The following AP3B1 variants were observed in gnomAD, a reference collection of about 807,000 sequenced individuals.
The protein encoded by AP3B1 is AP-3 complex subunit beta-1.
AP3B1 carries 61 observed loss-of-function variants against 132.5 expected under a neutral mutation model. That is an observed-to-expected ratio of 0.46 (90% CI 0.37 to 0.57). The LOEUF (loss-of-function observed/expected upper bound fraction) is 0.57, where lower values mean the gene tolerates loss of function less well. AP3B1 is among the 20% of genes least tolerant of loss of function. The pLI is 0.00. For synonymous variants in AP3B1, 388 were observed against 438.3 expected (o/e 0.89, Z 1.43); for missense variants, 1,120 against 1,289.4 (o/e 0.87, Z 2.01).
At chr5:78,252,502 T>C (rs1241430425) in intron 2 of AP3B1, among the ~76,000 whole-genome samples, 1 of 151,636 alleles carries the variant, frequency 6.6e-6, no homozygotes, top group Non-Finnish European at 1.5e-5. Flanking sequence ...TGAAAAGTAC[T>C]GCCAGAGTTC....
intron 6 of AP3B1, among the ~76,000 whole-genome samples, chr5:78,224,792 T>TA (rs1262329359): frequency 1.3e-5 from 2 of 151,876 alleles, no homozygotes; most frequent in Non-Finnish European, 2.9e-5. Flanking sequence ...AAAGGAAGAT[T>TA]AAAAAAATTA....
chr5:78,198,279 C>T (rs994713872), intron 7 of AP3B1, among the ~76,000 whole-genome samples: 4 of 152,192 alleles, frequency 2.6e-5, no homozygotes, highest in Non-Finnish European at 4.4e-5. Context: ...GACTTTAACA[C>T]ATCATGACAT....
intron 15 of AP3B1, among the ~76,000 whole-genome samples, chr5:78,138,980 A>C (rs1753028129): frequency 6.6e-6 from 1 of 150,674 alleles, no homozygotes; most frequent in Non-Finnish European, 1.5e-5. Flanking sequence ...AAAAAAAAAA[A>C]AAAAAAAAAA....
chr5:78,024,925 CT>C (rs1747277076), intron 24 of AP3B1, among the ~76,000 whole-genome samples: 1 of 150,226 alleles, frequency 6.7e-6, no homozygotes, highest in Non-Finnish European at 1.5e-5. Context: ...TCTTGAACTC[CT>C]GGCCTCAAGT....
chr5:78,226,006 A>G (rs1397719121), intron 5 of AP3B1, among the ~76,000 whole-genome samples: 1 of 152,126 alleles, frequency 6.6e-6, no homozygotes, highest in East Asian at 1.9e-4. Flanking sequence ...AAATATGGAG[A>G]ATTTCCAAAT....
At chr5:78,261,521 A>C (rs1748090986) in intron 2 of AP3B1, among the ~76,000 whole-genome samples, 1 of 152,220 alleles carries the variant, frequency 6.6e-6, no homozygotes, top group African/African-American at 2.4e-5. Flanking sequence ...GCTGCAGTGC[A>C]ATGGCACGAC....
At chr5:78,120,950 A>T (rs1479434018) in intron 17 of AP3B1, among the ~76,000 whole-genome samples, 7 of 152,226 alleles carry the variant, frequency 4.6e-5, no homozygotes, top group African/African-American at 4.8e-5. Flanking sequence ...GAAGTAAAGC[A>T]CTCCTCAGCA....
intron 2 of AP3B1, among the ~76,000 whole-genome samples, chr5:78,259,463 T>G (rs2112549777): frequency 6.6e-6 from 1 of 152,054 alleles, no homozygotes; most frequent in African/African-American, 2.4e-5. Flanking sequence ...GACAGGAAAA[T>G]AGGGTGACCA....
At chr5:78,090,339 C>T (rs1490257001) in intron 21 of AP3B1, among the ~76,000 whole-genome samples, 8 of 152,126 alleles carry the variant, frequency 5.3e-5, no homozygotes, top group Admixed American at 5.2e-4. Context: ...GGCTTGTGGC[C>T]GCCATACTGG....
chr5:78,052,119 T>G (rs1431113390), intron 22 of AP3B1, among the ~76,000 whole-genome samples: 1 of 152,124 alleles, frequency 6.6e-6, no homozygotes, highest in Admixed American at 6.5e-5. Context: ...AAATAAATGG[T>G]TTTTAATACT....
At chr5:78,114,819 G>A (rs774250999) in intron 18 of AP3B1, among the ~76,000 whole-genome samples, 12 of 152,102 alleles carry the variant, frequency 7.9e-5, no homozygotes, top group Admixed American at 2.6e-4. Context: ...GTTTTAAGAC[G>A]GCTTACAAGG....
chr5:78,061,453 G>A (rs994041684), intron 22 of AP3B1, among the ~76,000 whole-genome samples: 15 of 152,090 alleles, frequency 9.9e-5, no homozygotes, highest in African/African-American at 3.4e-4. Context: ...TCTGACACAC[G>A]ACACACATTA....
At chr5:78,097,635 G>A (rs1204233277) in intron 21 of AP3B1, among the ~76,000 whole-genome samples, 7 of 133,580 alleles carry the variant, frequency 5.2e-5, no homozygotes, top group East Asian at 2.2e-4. Flanking sequence ...CCGGCCAGCC[G>A]CCCCGTCCGG....
intron 22 of AP3B1, among the ~76,000 whole-genome samples, chr5:78,069,848 C>T (rs1749459663): frequency 6.6e-6 from 1 of 152,156 alleles, no homozygotes; most frequent in African/African-American, 2.4e-5. Context: ...TGACTTCAAA[C>T]TATACTACAA....
chr5:78,275,889 A>T (rs1748753863), intron 1 of AP3B1, among the ~76,000 whole-genome samples: 1 of 152,226 alleles, frequency 6.6e-6, no homozygotes, highest in Non-Finnish European at 1.5e-5. Context: ...ACAAGCATAG[A>T]ACAATATATC....
chr5:78,101,103 A>G lies in AP3B1; in HGVS notation c.2398-78T>C, dbSNP rs1403295504. ...GGAGTAGTCCTTAATATTCCAAAAC[A>G]AACTTTTTTTTCCTCTGCTTAGTGG... is the stretch of plus-strand genomic sequence containing the variant. On this transcript the variant is annotated intron_variant, in intron 20 of 26. Coordinates refer to ENST00000255194, the MANE Select transcript of AP3B1 (RefSeq NM_003664.5). 2.7e-5 allele frequency: 24 copies of G among 880,794 alleles called. No homozygotes were observed. The Admixed American group carries it at 5.5e-4, about 20-fold the overall frequency. 54.6% of individuals were successfully genotyped at this position (880,794 alleles called of 1,614,324 possible). A position where few individuals can be genotyped will look rare whatever the true frequency, so the allele number is the denominator to read the frequency against.
intron 1 of AP3B1, among the ~76,000 whole-genome samples, chr5:78,293,181 A>C (rs1247162140): frequency 6.6e-6 from 1 of 152,168 alleles, no homozygotes; most frequent in Admixed American, 6.5e-5. Context: ...GCCTGGCCCC[A>C]AATCTGACAA....
At chr5:78,252,847 C>T (rs114947472) in intron 2 of AP3B1, among the ~76,000 whole-genome samples, 1,842 of 152,314 alleles carry the variant, frequency 0.012, 12 homozygotes, top group Non-Finnish European at 0.018. Context: ...GGCTTTGCTA[C>T]CTGCTGACTG....
At chr5:78,076,769 T>C (rs1420211741) in intron 22 of AP3B1, among the ~76,000 whole-genome samples, 1 of 152,182 alleles carries the variant, frequency 6.6e-6, no homozygotes, top group Non-Finnish European at 1.5e-5. Flanking sequence ...AGACTCTGGA[T>C]GTCAAGGTTC....
Sources: gnomAD v4.1 joint callset for allele counts (sites outside exome capture counted in the v4.1 genomes callset) on GRCh38, gnomAD v4.1.1 for gene constraint, MANE v1.5 for transcripts, NCBI Gene and HGNC (gene_info 2026-07-23, HGNC 2026-07-21) for gene names.